The following MERTK variants were observed in gnomAD, a reference collection of about 807,000 sequenced individuals.
The protein encoded by MERTK is MER proto-oncogene, tyrosine kinase, also known as tyrosine-protein kinase Mer.
Under a neutral mutation model 99.3 loss-of-function variants are expected in MERTK, and 69 were observed. That is an observed-to-expected ratio of 0.70 (90% CI 0.57 to 0.85). The LOEUF (loss-of-function observed/expected upper bound fraction) is 0.85. Among genes scored for constraint, MERTK ranks in the 40% least tolerant of loss-of-function variants. The pLI is 0.00. For synonymous variants in MERTK, 426 were observed against 467.6 expected, an observed-to-expected ratio of 0.91 and a Z score of 1.15; for missense variants, 1,125 against 1,249.4, an observed-to-expected ratio of 0.90 and a Z score of 1.50.
At chr2:111,914,323 G>T (rs1294987995) in intron 1 of MERTK, among the ~76,000 whole-genome samples, 1 of 152,022 alleles carries the variant, frequency 6.6e-6, no homozygotes, top group Non-Finnish European at 1.5e-5. Context: ...TGTGGCCCAG[G>T]CTGGAGTGCA....
At chr2:112,005,003 A>G (rs1676951510) in intron 13 of MERTK, among the ~76,000 whole-genome samples, 1 of 152,220 alleles carries the variant, frequency 6.6e-6, no homozygotes, top group African/African-American at 2.4e-5. Flanking sequence ...CAGTGTTGAC[A>G]AAAATAGTGG....
chr2:111,965,393 T>C, intron 5 of MERTK, 116 bp downstream of exon 5: 1 of 974,944 alleles, frequency 1.0e-6, no homozygotes, highest in Non-Finnish European at 1.6e-6. Flanking sequence ...CTCAAGGTTC[T>C]TTGTGACCTT....
At chr2:112,024,563 G>C (rs992967567) in intron 18 of MERTK, among the ~76,000 whole-genome samples, 1 of 152,256 alleles carries the variant, frequency 6.6e-6, no homozygotes. Flanking sequence ...ATCTCCTCTC[G>C]AATCTAGATG....
chr2:112,008,408 C>A lies in MERTK; in HGVS notation c.1893C>A (p.Ile631=). Residue 631 remains isoleucine (I), a synonymous_variant, in exon 14 of 19, where the codon ATC becomes ATA. Coordinates refer to ENST00000295408, the MANE Select transcript of MERTK (RefSeq NM_006343.3). ...TGGACAACTCTTCACAGCGGGAGAT[C>A]GAGGAGTTTCTCAGTGAGGCAGCGT... ...MKLDNSSQRE[I]EEFLSEAACM... The A allele has an allele frequency of 1.2e-6, 2 of 1,613,902 alleles. No individual in the cohort carries two copies. Among genetic ancestry groups the A allele is most frequent in the African/African-American group, 1.3e-5 (1 of 75,020 alleles).
intron 1 of MERTK, among the ~76,000 whole-genome samples, chr2:111,913,542 TTTTTTC>T (rs1684290439): frequency 6.6e-6 from 1 of 152,210 alleles, no homozygotes; most frequent in South Asian, 2.1e-4. Context: ...GAATTTTCTT[TTTTTTC>T]TTTTTCTTTT....
chr2:111,999,480 A>G (rs1341457398), intron 10 of MERTK, among the ~76,000 whole-genome samples: 1 of 151,970 alleles, frequency 6.6e-6, no homozygotes, highest in Non-Finnish European at 1.5e-5. Flanking sequence ...CTTACTTTTT[A>G]TAGAGATGAG....
intron 15 of MERTK, among the ~76,000 whole-genome samples, chr2:112,014,212 G>A (rs1292291450): frequency 6.6e-6 from 1 of 151,948 alleles, no homozygotes; most frequent in African/African-American, 2.4e-5. Context: ...TAGTAGAGAC[G>A]GGGTTTCACT....
intron 1 of MERTK, among the ~76,000 whole-genome samples, chr2:111,927,011 C>T (rs537842827): frequency 6.6e-6 from 1 of 152,358 alleles, no homozygotes; most frequent in Admixed American, 6.5e-5. Flanking sequence ...GCACATTCAT[C>T]TGTCTGGACA....
At chr2:111,934,972 A>G (rs1029584777) in intron 2 of MERTK, among the ~76,000 whole-genome samples, 14 of 152,212 alleles carry the variant, frequency 9.2e-5, no homozygotes, top group African/African-American at 3.4e-4. Context: ...TACTCCTCAC[A>G]CCTTCCATTG....
intron 8 of MERTK, among the ~76,000 whole-genome samples, chr2:111,984,874 T>C (rs4848923): frequency 0.62 from 94,047 of 152,048 alleles, 29,471 homozygotes; most frequent in Middle Eastern, 0.69. Flanking sequence ...TTTTCTTGCT[T>C]CCTGAAAATG....
At chr2:111,903,494 T>A (rs1325036203) in intron 1 of MERTK, among the ~76,000 whole-genome samples, 2 of 152,236 alleles carry the variant, frequency 1.3e-5, no homozygotes, top group African/African-American at 4.8e-5. Context: ...CAGAAGGTAA[T>A]TTTTCATGTT....
At chr2:111,914,347 G>A (rs539402387) in intron 1 of MERTK, among the ~76,000 whole-genome samples, 21 of 152,084 alleles carry the variant, frequency 1.4e-4, no homozygotes, top group Admixed American at 9.8e-4. Flanking sequence ...GTGCAATCAC[G>A]GCTCACTGCA....
At chr2:111,937,289 T>TA (rs369142608) in intron 2 of MERTK, among the ~76,000 whole-genome samples, 39,070 of 144,728 alleles carry the variant, frequency 0.27, 5,271 homozygotes, top group South Asian at 0.32. Flanking sequence ...TACAAAAAAT[T>TA]AAAAAAAAAA....
intron 1 of MERTK, chr2:111,912,874 T>G: frequency 5.0e-6 from 1 of 201,060 alleles, no homozygotes; most frequent in Non-Finnish European, 8.9e-6. Context: ...GACTGCAAGG[T>G]TAGGGTAGTT....
Position 111,965,209 on chromosome 2 carries a change from T to C in MERTK, c.776T>C (p.Val259Ala). ...ATTCCAGGCCTGACGGAGATGGCGGTCTTCAGTTGTGAGGCCCACAATGAC... is the reference window on the plus strand; with the variant it reads ...ATTCCAGGCCTGACGGAGATGGCGGCCTTCAGTTGTGAGGCCCACAATGAC... Reference protein sequence around the residue: ...LTVPGLTEMAVFSCEAHNDKG... With the variant: ...LTVPGLTEMAAFSCEAHNDKG... The change falls in exon 5 of 19, where the codon GTC becomes GCC. Residue 259 changes from valine (V) to alanine (A), a missense_variant. Transcript: ENST00000295408. 1 of 1,614,184 alleles carries C rather than the reference T, an allele frequency of 6.2e-7. No individual in the cohort carries two copies. The highest frequency in any genetic ancestry group is 2.2e-5 in the East Asian group (1 of 44,886).
chr2:111,910,610 G>A (rs111281561), intron 1 of MERTK, among the ~76,000 whole-genome samples: 38 of 143,664 alleles, frequency 2.6e-4, no homozygotes, highest in East Asian at 1.7e-3. Flanking sequence ...GTGTGTGTGT[G>A]TATATATATA....
intron 18 of MERTK, chr2:112,026,342 T>C (rs1677459912): frequency 6.6e-6 from 1 of 152,222 alleles, no homozygotes; most frequent in Non-Finnish European, 1.5e-5. Context: ...TTTAAATACT[T>C]TCTCCTAAGA....
chr2:112,012,686 G>A (rs1001414126), intron 15 of MERTK, among the ~76,000 whole-genome samples: 4 of 152,140 alleles, frequency 2.6e-5, no homozygotes, highest in African/African-American at 7.2e-5. Flanking sequence ...AGAGAGAAGC[G>A]GAACCTCAGA....
intron 8 of MERTK, among the ~76,000 whole-genome samples, chr2:111,989,168 C>T (rs867731708): frequency 3.9e-5 from 6 of 152,084 alleles, no homozygotes; most frequent in Middle Eastern, 6.8e-3. Flanking sequence ...GTGGCCTCTC[C>T]GTAGAAAGAA....
Sources: allele counts gnomAD v4.1 joint callset (sites outside exome capture counted in the v4.1 genomes callset), GRCh38; gene constraint gnomAD v4.1.1; transcripts MANE v1.5; gene names NCBI Gene and HGNC (gene_info 2026-07-23, HGNC 2026-07-21).